The following MPDZ variants were observed in gnomAD, a reference collection of about 807,000 sequenced individuals.
MPDZ encodes the protein multiple PDZ domain crumbs cell polarity complex component.
In MPDZ, 234 loss-of-function variants were observed where a neutral mutation model predicts 239.1. The observed-to-expected ratio is 0.98, with a 90% CI of 0.88 to 1.09. MPDZ has a LOEUF of 1.09. Ranked by LOEUF, MPDZ falls within the 50% of genes least tolerant of loss-of-function variation. The pLI is 0.00. For synonymous variants in MPDZ, 1,048 were observed against 881.3 expected, an observed-to-expected ratio of 1.19 and a Z score of -3.35; for missense variants, 3,175 against 2,510.0, an observed-to-expected ratio of 1.26 and a Z score of -5.66.
intron 39 of MPDZ, among the ~76,000 whole-genome samples, chr9:13,118,731 T>A (rs1238070818): frequency 6.6e-6 from 1 of 152,242 alleles, no homozygotes; most frequent in African/African-American, 2.4e-5. Flanking sequence ...TCCCAGGAAT[T>A]ATATTGTCAA....
intron 8 of MPDZ, among the ~76,000 whole-genome samples, chr9:13,218,900 G>A (rs768338870): frequency 2.0e-5 from 3 of 151,774 alleles, no homozygotes; most frequent in Non-Finnish European, 4.4e-5. Context: ...AAATTCTCTA[G>A]CTTTTTTCAT....
chr9:13,205,038 T>A lies in MPDZ; in HGVS notation c.1544A>T (p.Glu515Val). 1 of 1,452,826 alleles carries A rather than the reference T, an allele frequency of 6.9e-7. No homozygotes were observed. Among genetic ancestry groups the A allele is most frequent in the Non-Finnish European group, 9.1e-7 (1 of 1,104,630 alleles). 90.0% of individuals were successfully genotyped at this position (1,452,826 alleles called of 1,614,324 possible). A position where few individuals can be genotyped will look rare whatever the true frequency, so the allele number is the denominator to read the frequency against. Reference sequence around the variant, plus strand: ...ATAAGCTGGCGCTAGGTGTTTACCTTCTTCTTCAGTTGGTAATATGTTGGT... The same window carrying A: ...ATAAGCTGGCGCTAGGTGTTTACCTACTTCTTCAGTTGGTAATATGTTGGT... ...RNTNILPTEE[E>V]GYPLLSAEIE... is the part of the protein sequence containing the mutation. Residue 515 changes from glutamate (E) to valine (V), a missense_variant and splice_region_variant, in exon 12 of 47, where the codon GAA (glutamate) becomes GTA (valine). Coordinates refer to ENST00000319217, the MANE Select transcript of MPDZ (RefSeq NM_001378778.1).
chr9:13,246,491 G>A (rs1966620941), intron 3 of MPDZ, among the ~76,000 whole-genome samples: 1 of 152,122 alleles, frequency 6.6e-6, no homozygotes, highest in African/African-American at 2.4e-5. Flanking sequence ...TTGTAAAGGA[G>A]ACAAACACAA....
chr9:13,169,390 A>G (rs560464936), intron 21 of MPDZ, among the ~76,000 whole-genome samples: 17 of 152,106 alleles, frequency 1.1e-4, no homozygotes, highest in African/African-American at 4.1e-4. Flanking sequence ...ACCCTCCATT[A>G]TTCAAAGTAG....
At chr9:13,276,667 T>C (rs1435541649) in intron 1 of MPDZ, 1 of 152,228 alleles carries the variant, frequency 6.6e-6, no homozygotes, top group Admixed American at 6.5e-5. Context: ...TGCTCTACCA[T>C]ATTTGGGGAC....
At chr9:13,121,683 T>A (rs1944370387) in intron 38 of MPDZ, 56 bp downstream of exon 38, 2 of 1,574,682 alleles carry the variant, frequency 1.3e-6, no homozygotes, top group Non-Finnish European at 1.7e-6. Flanking sequence ...CTCTTTAAAA[T>A]GATTTAAGTC....
rs1287017811 is a variant in MPDZ, at chr9:13,221,375, A to G, written c.873T>C (p.Asp291=). The G allele has an allele frequency of 1.2e-6, 2 of 1,607,586 alleles. No homozygotes were observed. The highest frequency in any genetic ancestry group is 3.4e-5 in the Admixed American group (2 of 59,556). The change falls in exon 7 of 47, where the codon GAT becomes GAC. Residue 291 remains aspartate (D), a synonymous_variant. Coordinates refer to ENST00000319217, the MANE Select transcript of MPDZ (RefSeq NM_001378778.1). The stretch of plus-strand genomic sequence containing the variant: ...AAGATCTATTGATGTAGCCTACCTG[A>G]TCAGCTACTCCTCCAGGCAGAATGG... ...VKTILPGGVA[D]QHGRLCSGDH...
intron 21 of MPDZ, among the ~76,000 whole-genome samples, chr9:13,168,942 A>C (rs1260286282): frequency 3.9e-5 from 6 of 152,172 alleles, no homozygotes; most frequent in Admixed American, 3.9e-4. Context: ...AAAGGACTAC[A>C]AAAGGAAAAT....
At chr9:13,251,352 C>G (rs1026509741) in intron 1 of MPDZ, among the ~76,000 whole-genome samples, 1 of 152,098 alleles carries the variant, frequency 6.6e-6, no homozygotes, top group African/African-American at 2.4e-5. Context: ...CTCCTTCAAT[C>G]CACACATCTC....
chr9:13,124,527 T>G (rs958390777), intron 35 of MPDZ, among the ~76,000 whole-genome samples: 5 of 152,346 alleles, frequency 3.3e-5, no homozygotes, highest in African/African-American at 1.2e-4. Context: ...GAAACTGTTT[T>G]ATTACACACC....
Position 13,106,511 on chromosome 9 carries a change from G to T in MPDZ, c.*454C>A, listed in dbSNP as rs1941489169. On this transcript the variant is annotated 3_prime_UTR_variant, in exon 47 of 47. Transcript: ENST00000319217. The stretch of plus-strand genomic sequence containing the variant: ...TTTTCTTTTTTTAGTTTGGGGTGGG[G>T]AGAGGAGGTAGATTGCCAAATTGAG... 6.6e-6 allele frequency: 1 copy of T among 152,202 alleles called. No individual in the cohort carries two copies. The highest frequency in any genetic ancestry group is 2.4e-5 in the African/African-American group (1 of 41,364). 9.4% of individuals were successfully genotyped at this position (152,202 alleles called of 1,614,324 possible).
intron 13 of MPDZ, among the ~76,000 whole-genome samples, chr9:13,194,310 A>G (rs559667800): frequency 6.6e-6 from 1 of 152,110 alleles, no homozygotes; most frequent in Non-Finnish European, 1.5e-5. Flanking sequence ...AGGGCAGTTA[A>G]AAGTTCAGTC....
intron 3 of MPDZ, among the ~76,000 whole-genome samples, chr9:13,234,441 G>A (rs1963397498): frequency 6.6e-6 from 1 of 152,000 alleles, no homozygotes; most frequent in Non-Finnish European, 1.5e-5. Flanking sequence ...CTACAAAAAT[G>A]ACTGCTTAGG....
chr9:13,254,394 A>C (rs1202944463), intron 1 of MPDZ, among the ~76,000 whole-genome samples: 1 of 152,240 alleles, frequency 6.6e-6, no homozygotes, highest in African/African-American at 2.4e-5. Flanking sequence ...TTCAAAGTAC[A>C]TTCAAAAACA....
intron 22 of MPDZ, among the ~76,000 whole-genome samples, chr9:13,163,681 T>G (rs767199307): frequency 2.6e-5 from 4 of 152,142 alleles, no homozygotes; most frequent in Admixed American, 6.6e-5. Flanking sequence ...ATACAGCATG[T>G]TTGTGCAACT....
At chr9:13,201,412 T>C (rs1057384728) in intron 12 of MPDZ, among the ~76,000 whole-genome samples, 5 of 151,990 alleles carry the variant, frequency 3.3e-5, no homozygotes, top group African/African-American at 1.2e-4. Context: ...CCTCTTTGTA[T>C]TGAATATAGT....
At chr9:13,212,621 G>C (rs1255028052) in intron 10 of MPDZ, among the ~76,000 whole-genome samples, 2 of 151,476 alleles carry the variant, frequency 1.3e-5, no homozygotes, top group Admixed American at 6.6e-5. Flanking sequence ...ACAGAGAAGA[G>C]TGCAGTAGAA....
chr9:13,161,978 T>A (rs1443344874), intron 23 of MPDZ, among the ~76,000 whole-genome samples: 1 of 152,096 alleles, frequency 6.6e-6, no homozygotes, highest in African/African-American at 2.4e-5. Flanking sequence ...AAAAAATGTT[T>A]CTGGTCTAGG....
At chr9:13,253,537 CTT>C (rs753314054) in intron 1 of MPDZ, among the ~76,000 whole-genome samples, 3 of 152,172 alleles carry the variant, frequency 2.0e-5, no homozygotes, top group South Asian at 2.1e-4. Context: ...ACGAATTCCT[CTT>C]GTCACCTTTT....
Sources: gnomAD v4.1 joint callset for allele counts (sites outside exome capture counted in the v4.1 genomes callset) on GRCh38, gnomAD v4.1.1 for gene constraint, MANE v1.5 for transcripts, NCBI Gene and HGNC (gene_info 2026-07-23, HGNC 2026-07-21) for gene names.